Variants in SNX2 observed in about 807,000 individuals in gnomAD.
The protein encoded by SNX2 is sorting nexin 2.
A neutral mutation model predicts 69.9 loss-of-function variants in SNX2; 25 were observed. The ratio of observed to expected loss-of-function variants is 0.36; its 90% CI spans 0.26 to 0.50. The LOEUF is 0.50. Among genes scored for constraint, SNX2 ranks in the 20% least tolerant of loss-of-function variants. The probability of loss-of-function intolerance (pLI) is 0.97; values close to 1 mark genes in which losing one functional copy is unlikely to be tolerated. For missense variants in SNX2, 551 were observed against 613.3 expected (o/e 0.90, Z 1.07); for synonymous variants, 229 against 200.4 (o/e 1.14, Z -1.20).
intron 11 of SNX2, among the ~76,000 whole-genome samples, chr5:122,821,241 T>A (rs1754014507): frequency 1.3e-5 from 2 of 152,328 alleles, no homozygotes; most frequent in South Asian, 4.1e-4. Flanking sequence ...GTCTCTGACC[T>A]CAGTCATAAA....
chr5:122,783,506 T>A (rs990016883), intron 1 of SNX2, among the ~76,000 whole-genome samples: 7 of 152,200 alleles, frequency 4.6e-5, no homozygotes, highest in Admixed American at 2.6e-4. Context: ...ATTCTTTTTT[T>A]AAAATACAGA....
chr5:122,827,151 G>T (rs1245973681), intron 12 of SNX2, among the ~76,000 whole-genome samples: 2 of 151,976 alleles, frequency 1.3e-5, no homozygotes, highest in African/African-American at 4.8e-5. Flanking sequence ...GTACAGTATT[G>T]AAATATCTTA....
chr5:122,781,220 T>A (rs1478230762), intron 1 of SNX2, among the ~76,000 whole-genome samples: 1 of 152,254 alleles, frequency 6.6e-6, no homozygotes, highest in Non-Finnish European at 1.5e-5. Flanking sequence ...GTTTTCTGCC[T>A]AAAGTTTTGT....
intron 11 of SNX2, 31 bp downstream of exon 11, chr5:122,819,054 T>C (rs764530049): frequency 1.2e-5 from 19 of 1,530,700 alleles, no homozygotes; most frequent in Middle Eastern, 1.8e-4. Context: ...TTCTCACTTG[T>C]GTCGTGTACT....
intron 11 of SNX2, among the ~76,000 whole-genome samples, chr5:122,820,867 G>C (rs1452967443): frequency 6.6e-6 from 1 of 152,164 alleles, no homozygotes; most frequent in Non-Finnish European, 1.5e-5. Context: ...TTTTAATCCA[G>C]AGGCTTCTAA....
At chr5:122,791,270 T>C (rs1324399407) in intron 1 of SNX2, among the ~76,000 whole-genome samples, 1 of 151,788 alleles carries the variant, frequency 6.6e-6, no homozygotes, top group Non-Finnish European at 1.5e-5. Flanking sequence ...ATTACAGACA[T>C]GCGCCACCAT....
chr5:122,801,652 C>CATGTGT (rs113836294), intron 3 of SNX2, among the ~76,000 whole-genome samples: 2 of 132,056 alleles, frequency 1.5e-5, no homozygotes, highest in African/African-American at 3.0e-5. Flanking sequence ...TGGTCTTTTT[C>CATGTGT]GTGTGTGTGT....
chr5:122,777,177 C>T lies in SNX2; in HGVS notation c.108+1966C>T, dbSNP rs1280710687. Among the ~76,000 whole-genome samples, 7 of 152,204 alleles carry T rather than the reference C, an allele frequency of 4.6e-5. No individual in the cohort carries two copies. The South Asian group carries it at 1.0e-3, about 23-fold the overall frequency. ...CTCAAACTGTGGTGTGCTGGAGTAT[C>T]CACAGTATTCATCTTTAAAATGCAG... On this transcript the variant is annotated intron_variant, in intron 1 of 14. Transcript: ENST00000379516.
At chr5:122,823,719 T>G (rs201950872) in intron 11 of SNX2, among the ~76,000 whole-genome samples, 8 of 20,312 alleles carry the variant, frequency 3.9e-4, no homozygotes, top group African/African-American at 1.1e-3. Context: ...TGTATGTGGG[T>G]GTGTGTGTGT....
At chr5:122,791,545 G>A (rs1289525114) in intron 1 of SNX2, among the ~76,000 whole-genome samples, 2 of 152,192 alleles carry the variant, frequency 1.3e-5, no homozygotes, top group Non-Finnish European at 2.9e-5. Context: ...GCCTCCCAAA[G>A]TGCTGGGATT....
intron 11 of SNX2, among the ~76,000 whole-genome samples, chr5:122,822,915 G>A (rs987296953): frequency 2.0e-5 from 3 of 152,142 alleles, no homozygotes; most frequent in African/African-American, 4.8e-5. Flanking sequence ...GGGTTTAAAC[G>A]CTTTATTCTT....
intron 7 of SNX2, among the ~76,000 whole-genome samples, chr5:122,811,675 C>G (rs1047168448): frequency 6.6e-6 from 1 of 151,714 alleles, no homozygotes; most frequent in African/African-American, 2.4e-5. Context: ...ACTAAAAATA[C>G]AAAAAATTGG....
chr5:122,808,388 A>G, intron 7 of SNX2, 33 bp downstream of exon 7: 2 of 1,390,840 alleles, frequency 1.4e-6, no homozygotes, highest in South Asian at 2.5e-5. Flanking sequence ...TATTACTCTC[A>G]TGTTTGTACC....
intron 3 of SNX2, among the ~76,000 whole-genome samples, 157 bp from the exon 4 acceptor site, chr5:122,801,712 T>C (rs961946656): frequency 4.8e-5 from 7 of 146,990 alleles, no homozygotes; most frequent in Non-Finnish European, 1.0e-4. Flanking sequence ...AGTCAGGAAA[T>C]GTGAAAGTTT....
chr5:122,793,690 A>C (rs1581629490), intron 1 of SNX2, among the ~76,000 whole-genome samples: 1 of 152,118 alleles, frequency 6.6e-6, no homozygotes, highest in South Asian at 2.1e-4. Context: ...CGGGCGGATC[A>C]CCTGAGGTCA....
chr5:122,803,717 A>G lies in SNX2; in HGVS notation c.643+104A>G, dbSNP rs570262184. On this transcript the variant is annotated intron_variant, in intron 6 of 14. Transcript: ENST00000379516. Reference sequence around the variant, plus strand: ...TAGTCATTCACTGTCAACATTTTATAATGTGTAGACATAACTGAATTTAAG... The same window carrying G: ...TAGTCATTCACTGTCAACATTTTATGATGTGTAGACATAACTGAATTTAAG... The G allele has an allele frequency of 1.3e-4, 105 of 821,296 alleles. 6 individuals carry two copies. In the Middle Eastern group the frequency reaches 1.5e-3, roughly 12 times the overall value. The allele number at this position is 821,296 out of a possible 1,614,324, so 50.9% of individuals were successfully genotyped here.
At chr5:122,783,672 AT>A (rs1753023940) in intron 1 of SNX2, among the ~76,000 whole-genome samples, 1 of 152,122 alleles carries the variant, frequency 6.6e-6, no homozygotes, top group Non-Finnish European at 1.5e-5. Flanking sequence ...CACTGTCTTG[AT>A]TATTTAATCT....
intron 11 of SNX2, among the ~76,000 whole-genome samples, chr5:122,824,905 T>C (rs1754119754): frequency 6.6e-6 from 1 of 152,202 alleles, no homozygotes; most frequent in Non-Finnish European, 1.5e-5. Context: ...ATACTCCTTA[T>C]GTTATTTCTA....
At chr5:122,814,259 G>T (rs568845980) in intron 7 of SNX2, among the ~76,000 whole-genome samples, 1 of 152,314 alleles carries the variant, frequency 6.6e-6, no homozygotes, top group Admixed American at 6.5e-5. Flanking sequence ...GAACTTCAGT[G>T]TTAAAATTGT....
Sources: gnomAD v4.1 joint callset for allele counts (sites outside exome capture counted in the v4.1 genomes callset) on GRCh38, gnomAD v4.1.1 for gene constraint, MANE v1.5 for transcripts, NCBI Gene and HGNC (gene_info 2026-07-23, HGNC 2026-07-21) for gene names.